HDAC9: variants seen among roughly 807,000 people sequenced by gnomAD.
HDAC9 encodes the protein histone deacetylase 9.
Under a neutral mutation model 139.4 loss-of-function variants are expected in HDAC9, and 41 were observed. The observed-to-expected ratio is 0.29, with a 90% CI of 0.23 to 0.38. HDAC9 has a LOEUF of 0.38. HDAC9 is among the 10% of genes least tolerant of loss of function. The probability of loss-of-function intolerance (pLI) is 1.00; values close to 1 mark genes in which losing one functional copy is unlikely to be tolerated. For missense variants in HDAC9, 1,147 were observed against 1,297.0 expected (o/e 0.88, Z 1.78); for synonymous variants, 517 against 476.2 (o/e 1.09, Z -1.12).
intron 2 of HDAC9, among the ~76,000 whole-genome samples, chr7:18,574,783 G>T (rs1825490827): frequency 6.6e-6 from 1 of 152,262 alleles, no homozygotes; most frequent in South Asian, 2.1e-4. Context: ...CCTGGGCTTG[G>T]CCTGAACTTT....
At chr7:18,790,774 C>A (rs1420729727) in intron 16 of HDAC9, among the ~76,000 whole-genome samples, 1 of 151,942 alleles carries the variant, frequency 6.6e-6, no homozygotes, top group Non-Finnish European at 1.5e-5. Flanking sequence ...GATGATAAAT[C>A]CCATAGTTTC....
chr7:18,977,915 G>GACACACAC (rs1234499048), intron 25 of HDAC9, among the ~76,000 whole-genome samples: 41 of 103,112 alleles, frequency 4.0e-4, no homozygotes, highest in African/African-American at 1.4e-3. Flanking sequence ...GAGACAGACA[G>GACACACAC]ACAGACACAC....
At chr7:18,207,539 C>CTTTGTTTTTTTTTTTTTTTT (rs1791615710) in intron 2 of HDAC9, among the ~76,000 whole-genome samples, 1 of 53,730 alleles carries the variant, frequency 1.9e-5, no homozygotes, top group Non-Finnish European at 3.1e-5. Flanking sequence ...CCCAAGGAGT[C>CTTTGTTTTTTTTTTTTTTTT]TTTTTTTTTT....
intron 17 of HDAC9, among the ~76,000 whole-genome samples, chr7:18,800,978 GC>G (rs1216428763): frequency 6.6e-6 from 1 of 151,892 alleles, no homozygotes; most frequent in Non-Finnish European, 1.5e-5. Context: ...TTTATTTTTT[GC>G]TAATTGTACA....
Position 18,835,742 on chromosome 7 carries a change from G to A in HDAC9, c.2586+156G>A, listed in dbSNP as rs1028059256. Reference sequence around the variant, plus strand: ...GACCAAGAACCAGTGCAGAACAAGTGCATAACCCAGAGCACTGTTTGTCAG... The same window carrying A: ...GACCAAGAACCAGTGCAGAACAAGTACATAACCCAGAGCACTGTTTGTCAG... On this transcript the variant is annotated intron_variant, in intron 20 of 25. Transcript: ENST00000686413. 6 of 1,102,402 alleles carry A rather than the reference G, an allele frequency of 5.4e-6. No individual in the cohort carries two copies. In the Admixed American group the frequency reaches 9.5e-5, roughly 17 times the overall value. 68.3% of individuals were successfully genotyped at this position (1,102,402 alleles called of 1,614,324 possible).
chr7:18,110,782 G>A lies in HDAC9; in HGVS notation c.-97+23569G>A, dbSNP rs1000562631. Among the ~76,000 whole-genome samples, 5 of 152,152 alleles carry A rather than the reference G, an allele frequency of 3.3e-5. 1 individual carries two copies. Among genetic ancestry groups the A allele is most frequent in the South Asian group, 4.2e-4 (2 of 4,818 alleles). On this transcript the variant is annotated intron_variant, in intron 1 of 12. Coordinates refer to the HDAC9 transcript ENST00000417496. ...CAGGAGCTTGGGAGGCTATTACAGC[G>A]GTCCAGCCAACGGGGAGTCTAAACT...
intron 23 of HDAC9, among the ~76,000 whole-genome samples, chr7:18,939,569 A>G (rs1226742354): frequency 6.6e-6 from 1 of 152,202 alleles, no homozygotes; most frequent in Non-Finnish European, 1.5e-5. Context: ...TTCCAGGTCA[A>G]AGATCATTAT....
intron 21 of HDAC9, among the ~76,000 whole-genome samples, chr7:18,846,589 A>G (rs1796922144): frequency 2.0e-5 from 3 of 152,258 alleles, no homozygotes; most frequent in Admixed American, 6.5e-5. Flanking sequence ...TTTCAGAAGT[A>G]CGAAGACTTA....
chr7:18,852,412 A>G (rs1797368851), intron 21 of HDAC9, among the ~76,000 whole-genome samples: 1 of 152,186 alleles, frequency 6.6e-6, no homozygotes, highest in Non-Finnish European at 1.5e-5. Flanking sequence ...TTATAGACAT[A>G]CTATCATTCC....
chr7:18,410,735 T>C (rs999318593), intron 1 of HDAC9, among the ~76,000 whole-genome samples: 2 of 152,162 alleles, frequency 1.3e-5, no homozygotes, highest in Non-Finnish European at 2.9e-5. Flanking sequence ...AGAAGAATCA[T>C]CAACTCTTTT....
intron 1 of HDAC9, among the ~76,000 whole-genome samples, chr7:18,357,424 C>A (rs1783405557): frequency 6.6e-6 from 1 of 151,940 alleles, no homozygotes; most frequent in Non-Finnish European, 1.5e-5. Flanking sequence ...TGATTGCTTG[C>A]TAATTGTGTG....
intron 2 of HDAC9, among the ~76,000 whole-genome samples, chr7:18,545,549 A>G (rs910145404): frequency 1.4e-4 from 21 of 152,152 alleles, no homozygotes; most frequent in Non-Finnish European, 1.3e-4. Context: ...TGGATATGCC[A>G]CGGGCACCAT....
rs1782552269 is a variant in HDAC9, at chr7:18,948,371, G to T, written c.2938-5775G>T. 1.3e-5 allele frequency among the ~76,000 whole-genome samples: 2 copies of T among 151,932 alleles called. 1 individual carries two copies. Among genetic ancestry groups the T allele is most frequent in the Admixed American group, 1.3e-4 (2 of 15,246 alleles). ...TTAATATGTAAATTTAACAAAGTGG[G>T]TAGTTAATTAAAAATCAGTGAAAAT... On this transcript the variant is annotated intron_variant, in intron 23 of 25. Coordinates refer to ENST00000686413, the MANE Select transcript of HDAC9 (RefSeq NM_178425.4).
chr7:18,375,423 C>G (rs1456871918), intron 1 of HDAC9, among the ~76,000 whole-genome samples: 5 of 152,024 alleles, frequency 3.3e-5, no homozygotes, highest in Non-Finnish European at 7.4e-5. Context: ...GAGCCGAGAT[C>G]ACGCCACTGC....
chr7:18,550,584 G>C (rs1816793606), intron 2 of HDAC9, among the ~76,000 whole-genome samples: 1 of 152,174 alleles, frequency 6.6e-6, no homozygotes, highest in Non-Finnish European at 1.5e-5. Context: ...GTAGGTGGGG[G>C]ATATCAGGTG....
At chr7:18,710,676 TC>T (rs1269242229) in intron 12 of HDAC9, among the ~76,000 whole-genome samples, 21 of 152,336 alleles carry the variant, frequency 1.4e-4, no homozygotes, top group Admixed American at 9.8e-4. Flanking sequence ...GGGTTGGCAT[TC>T]ATACCTAGGA....
In HDAC9 at chr7:18,784,117, GTATTAT is replaced by G. The variant is rs796864616; in HGVS notation, c.2215-9211_2215-9206del. Among the ~76,000 whole-genome samples, 26 of 98,698 alleles carry G rather than the reference GTATTAT, an allele frequency of 2.6e-4. No individual in the cohort carries two copies. The East Asian group carries it at 4.9e-3, about 19-fold the overall frequency. The allele number at this position is 98,698 out of a possible 152,430, so 64.7% of individuals were successfully genotyped here. On this transcript the variant is annotated intron_variant, in intron 16 of 25. Transcript: ENST00000686413. Reference sequence around the variant, plus strand: ...CCCTTCTATATTCGAGTCTTTCTGGGTATTATTATTATTATTATTATTTGGTTCTTT... The same window carrying G: ...CCCTTCTATATTCGAGTCTTTCTGGGTATTATTATTATTATTTGGTTCTTT...
intron 1 of HDAC9, among the ~76,000 whole-genome samples, chr7:18,350,459 T>C (rs1782767164): frequency 6.6e-6 from 1 of 152,230 alleles, no homozygotes; most frequent in African/African-American, 2.4e-5. Context: ...ACAAGTATTT[T>C]AATTTCCTCT....
chr7:18,272,165 A>T (rs1477002984), intron 2 of HDAC9, among the ~76,000 whole-genome samples: 1 of 152,028 alleles, frequency 6.6e-6, no homozygotes, highest in East Asian at 1.9e-4. Flanking sequence ...ATGAGTGCTA[A>T]CTCTACCAGC....
Sources: gnomAD v4.1 joint callset for allele counts (sites outside exome capture counted in the v4.1 genomes callset) on GRCh38, gnomAD v4.1.1 for gene constraint, MANE v1.5 for transcripts, NCBI Gene and HGNC (gene_info 2026-07-23, HGNC 2026-07-21) for gene names.